The following STON1 variants were observed in gnomAD, a reference collection of about 807,000 sequenced individuals.
STON1 encodes stonin-1.
STON1 carries 79 observed loss-of-function variants against 60.9 expected under a neutral mutation model. The observed-to-expected ratio is 1.30, with a 90% CI of 1.08 to 1.56. The LOEUF (loss-of-function observed/expected upper bound fraction) is 1.56, where lower values mean the gene tolerates loss of function less well. STON1 is among the 40% of genes most tolerant of loss of function. STON1 has a pLI of 0.00. For missense variants in STON1, 1,166 were observed against 858.9 expected, an observed-to-expected ratio of 1.36 and a Z score of -4.47; for synonymous variants, 363 against 306.9, an observed-to-expected ratio of 1.18 and a Z score of -1.91.
chr2:48,573,167 TTCCA>T (rs1216229398), intron 1 of STON1, among the ~76,000 whole-genome samples: 1 of 152,192 alleles, frequency 6.6e-6, no homozygotes, highest in Admixed American at 6.5e-5. Context: ...ACGGGCATGA[TTCCA>T]GCAGGGTTTG....
chr2:48,594,715 G>T (rs1032118340), intron 3 of STON1, among the ~76,000 whole-genome samples: 1 of 152,130 alleles, frequency 6.6e-6, no homozygotes, highest in Non-Finnish European at 1.5e-5. Flanking sequence ...AGACAAAAAT[G>T]ATGAAGAGCA....
In STON1 at chr2:48,580,814, CCT is replaced by C; in HGVS notation, c.187_188del (p.Ser63LeufsTer15). On this transcript the variant is annotated frameshift_variant, in exon 2 of 4. Transcript: ENST00000404752. LOFTEE classifies it high-confidence loss of function. ...TGGATCTTCCTCCACCAGCAGCACT[CCT>C]CTCTCCTCCCCCATTGTAGATTTTT... is the stretch of plus-strand genomic sequence containing the variant. ...PSGSSSTSSTPLSSPIVDFYF... is the reference protein window; with the variant it reads ...PSGSSSTSSTXLSSPIVDFYF... 6.5e-7 allele frequency: 1 copy of C among 1,549,758 alleles called. No individual in the cohort carries two copies. Among genetic ancestry groups the C allele is most frequent in the South Asian group, 1.3e-5 (1 of 78,612 alleles).
chr2:48,562,618 G>A (rs1419788997), intron 1 of STON1, among the ~76,000 whole-genome samples: 3 of 152,254 alleles, frequency 2.0e-5, no homozygotes, highest in Non-Finnish European at 4.4e-5. Flanking sequence ...GAAATGCCAT[G>A]AGAGGCCAGG....
chr2:48,579,931 G>A (rs1355174893), intron 1 of STON1, among the ~76,000 whole-genome samples: 1 of 152,082 alleles, frequency 6.6e-6, no homozygotes, highest in Non-Finnish European at 1.5e-5. Flanking sequence ...TTTTCAGATG[G>A]AGTTTCACTC....
chr2:48,554,321 A>G (rs1281382908), intron 1 of STON1, among the ~76,000 whole-genome samples: 1 of 152,148 alleles, frequency 6.6e-6, no homozygotes, highest in Non-Finnish European at 1.5e-5. Flanking sequence ...TCCCTGGTTC[A>G]AGCAGTTCTC....
chr2:48,553,047 C>G (rs1166665281), intron 1 of STON1, among the ~76,000 whole-genome samples: 1 of 152,128 alleles, frequency 6.6e-6, no homozygotes. Context: ...AGCTGGGCTT[C>G]TTACATGGCA....
chr2:48,567,004 T>A (rs1345843471), intron 1 of STON1, among the ~76,000 whole-genome samples: 1 of 151,978 alleles, frequency 6.6e-6, no homozygotes, highest in African/African-American at 2.4e-5. Flanking sequence ...AACAGATTAT[T>A]AGAACAAGGT....
intron 1 of STON1, among the ~76,000 whole-genome samples, chr2:48,563,567 G>T (rs895960241): frequency 7.9e-5 from 12 of 152,328 alleles, no homozygotes; most frequent in African/African-American, 2.9e-4. Context: ...GAATACAAAA[G>T]GCCGAGGTGT....
At chr2:48,587,464 C>G (rs1401530722) in intron 2 of STON1, among the ~76,000 whole-genome samples, 1 of 151,982 alleles carries the variant, frequency 6.6e-6, no homozygotes, top group Non-Finnish European at 1.5e-5. Flanking sequence ...GGCTAATTTT[C>G]GTGTTTTTAG....
At chr2:48,536,781 C>T (rs1382577271) in intron 1 of STON1, among the ~76,000 whole-genome samples, 2 of 152,074 alleles carry the variant, frequency 1.3e-5, no homozygotes, top group Non-Finnish European at 2.9e-5. Flanking sequence ...GCTGGCTTTT[C>T]CTATCTTCTC....
At chr2:48,569,106 C>T (rs1032938674) in intron 1 of STON1, 6 of 152,124 alleles carry the variant, frequency 3.9e-5, no homozygotes, top group African/African-American at 4.8e-5. Flanking sequence ...TTAACTCCTC[C>T]GAACTTATTT....
At chr2:48,579,999 C>T (rs1335539214) in intron 1 of STON1, among the ~76,000 whole-genome samples, 1 of 152,166 alleles carries the variant, frequency 6.6e-6, no homozygotes, top group Non-Finnish European at 1.5e-5. Flanking sequence ...CTCTGCCTCC[C>T]AGGTTCAAGA....
intron 1 of STON1, among the ~76,000 whole-genome samples, chr2:48,542,846 G>A (rs113346369): frequency 4.3e-4 from 66 of 152,124 alleles, no homozygotes; most frequent in African/African-American, 1.5e-3. Context: ...TGAGGTTGCA[G>A]TGAGCCAATA....
rs1193202412 is a variant in STON1, at chr2:48,581,952, C to T, written c.1319C>T (p.Thr440Ile). 6.2e-7 allele frequency: 1 copy of T among 1,614,082 alleles called. No individual in the cohort carries two copies. Among genetic ancestry groups the T allele is most frequent in the Non-Finnish European group, 8.5e-7 (1 of 1,180,056 alleles). The change falls in exon 2 of 4, where the codon ACT becomes ATT. Residue 440 changes from threonine to isoleucine, a missense_variant. Transcript: ENST00000404752. ...AAATTTGTTGAAAGTGCTGTGATAA[C>T]TCAAATTTATTGCCTCTGCTTTGTG... ...EGKFVESAVI[T>I]QIYCLCFVNG...
chr2:48,580,275 C>T (rs1483880412), intron 1 of STON1, among the ~76,000 whole-genome samples: 2 of 152,098 alleles, frequency 1.3e-5, no homozygotes, highest in Admixed American at 1.3e-4. Context: ...TATATTATGT[C>T]CTTCTTTGTC....
intron 1 of STON1, among the ~76,000 whole-genome samples, chr2:48,559,475 G>A (rs937142252): frequency 2.0e-5 from 3 of 152,090 alleles, no homozygotes; most frequent in Admixed American, 6.5e-5. Flanking sequence ...TGTTCATAAG[G>A]TCAGAGCCCT....
At chr2:48,533,915 A>G (rs953750248) in intron 1 of STON1, among the ~76,000 whole-genome samples, 3 of 151,722 alleles carry the variant, frequency 2.0e-5, no homozygotes, top group Non-Finnish European at 4.4e-5. Flanking sequence ...GATTACAGGC[A>G]TGTGCCACCA....
chr2:48,530,502 A>G (rs527499191), intron 1 of STON1: 1 of 157,098 alleles, frequency 6.4e-6, no homozygotes, highest in South Asian at 2.0e-4. Context: ...CAAACAGCAA[A>G]AAAAGGAATA....
intron 3 of STON1, among the ~76,000 whole-genome samples, chr2:48,593,930 C>T (rs1057099561): frequency 6.6e-5 from 10 of 152,146 alleles, no homozygotes; most frequent in African/African-American, 1.4e-4. Context: ...GAATTGCCGC[C>T]GCTGAAGATA....
Sources: allele counts gnomAD v4.1 joint callset (sites outside exome capture counted in the v4.1 genomes callset), GRCh38; gene constraint gnomAD v4.1.1; transcripts MANE v1.5; gene names NCBI Gene and HGNC (gene_info 2026-07-23, HGNC 2026-07-21).